Variants in DCLK1 observed in about 807,000 individuals in gnomAD.
DCLK1 encodes the protein serine/threonine-protein kinase DCLK1.
Under a neutral mutation model 86.2 loss-of-function variants are expected in DCLK1, and 16 were observed. The ratio of observed to expected loss-of-function variants is 0.19; its 90% CI spans 0.13 to 0.28. The LOEUF is 0.28. DCLK1 is among the 10% of genes least tolerant of loss of function. The pLI is 1.00. For synonymous variants in DCLK1, 369 were observed against 370.5 expected (o/e 1.00, Z 0.05); for missense variants, 590 against 940.2 (o/e 0.63, Z 4.87).
chr13:36,007,067 A>G (rs1013212106), intron 3 of DCLK1, among the ~76,000 whole-genome samples: 1 of 152,134 alleles, frequency 6.6e-6, no homozygotes, highest in African/African-American at 2.4e-5. Flanking sequence ...GTAAATGTGC[A>G]TGCGAGGAGA....
chr13:36,055,591 G>A (rs1378838079), intron 3 of DCLK1, among the ~76,000 whole-genome samples: 1 of 152,124 alleles, frequency 6.6e-6, no homozygotes, highest in Admixed American at 6.5e-5. Context: ...GAACACCACT[G>A]TACTGCTGTT....
At chr13:35,970,314 C>T (rs1879004270) in intron 3 of DCLK1, among the ~76,000 whole-genome samples, 1 of 152,192 alleles carries the variant, frequency 6.6e-6, no homozygotes, top group Non-Finnish European at 1.5e-5. Flanking sequence ...TTTAATGTAT[C>T]AGGCCTAATG....
intron 4 of DCLK1, 146 bp downstream of exon 4, chr13:35,947,212 G>T (rs1877432919): frequency 3.9e-6 from 2 of 513,916 alleles, no homozygotes; most frequent in South Asian, 7.0e-5. Flanking sequence ...AAAAATCAAA[G>T]AAATCCAAGA....
At chr13:36,033,188 C>T (rs1882354812) in intron 3 of DCLK1, among the ~76,000 whole-genome samples, 1 of 152,162 alleles carries the variant, frequency 6.6e-6, no homozygotes, top group South Asian at 2.1e-4. Context: ...CCAGAAGAAG[C>T]TTTTGTCAGT....
At chr13:35,789,349 T>C (rs541620691) in intron 16 of DCLK1, among the ~76,000 whole-genome samples, 6 of 152,220 alleles carry the variant, frequency 3.9e-5, no homozygotes, top group Non-Finnish European at 8.8e-5. Flanking sequence ...GATTATAAAC[T>C]AGGCTATCCA....
At chr13:35,838,569 A>T (rs543978280) in intron 7 of DCLK1, among the ~76,000 whole-genome samples, 1 of 152,338 alleles carries the variant, frequency 6.6e-6, no homozygotes, top group East Asian at 1.9e-4. Flanking sequence ...AATCCTGATC[A>T]TTTGACCACA....
chr13:35,821,202 C>A lies in DCLK1; in HGVS notation c.1554+1527G>T, dbSNP rs116420707. Among the ~76,000 whole-genome samples the A allele has an allele frequency of 4.0e-3, 615 of 152,228 alleles. 2 individuals carry two copies. The highest frequency in any genetic ancestry group is 0.014 in the African/African-American group (593 of 41,532). On this transcript the variant is annotated intron_variant, in intron 11 of 16. Transcript: ENST00000360631. ...AAATGAAACAGTAATAGAACTTACC[C>A]AATGTGGTTGCTGTGAGGATGAAAC...
intron 3 of DCLK1, among the ~76,000 whole-genome samples, chr13:36,107,335 A>ATTTTT (rs10670428): frequency 0.014 from 1,575 of 110,252 alleles, 52 homozygotes; most frequent in Non-Finnish European, 0.02. Context: ...GCAGTGGTAG[A>ATTTTT]TTTTTTTTTT....
At chr13:35,800,472 G>T (rs1216138932) in intron 15 of DCLK1, among the ~76,000 whole-genome samples, 4 of 152,166 alleles carry the variant, frequency 2.6e-5, no homozygotes, top group Non-Finnish European at 5.9e-5. Flanking sequence ...TGTTCATGTG[G>T]CTCATTGGAA....
intron 10 of DCLK1, among the ~76,000 whole-genome samples, chr13:35,826,316 G>C (rs1868425423): frequency 6.6e-6 from 1 of 150,876 alleles, no homozygotes; most frequent in Non-Finnish European, 1.5e-5. Flanking sequence ...CTGAGGTTGG[G>C]AGTTCGAGAC....
chr13:35,864,313 C>A (rs1462818065), intron 5 of DCLK1, among the ~76,000 whole-genome samples: 2 of 75,166 alleles, frequency 2.7e-5, no homozygotes, highest in South Asian at 7.4e-4. Context: ...CGCCTGTAAT[C>A]CCAGCACTTT....
intron 6 of DCLK1, among the ~76,000 whole-genome samples, chr13:35,845,209 C>T (rs980154936): frequency 6.6e-6 from 1 of 152,166 alleles, no homozygotes; most frequent in Non-Finnish European, 1.5e-5. Context: ...GATCGCACCA[C>T]TGCACTCCAG....
chr13:36,091,234 T>C (rs1387253075), intron 3 of DCLK1, among the ~76,000 whole-genome samples: 1 of 152,194 alleles, frequency 6.6e-6, no homozygotes, highest in East Asian at 1.9e-4. Context: ...CAATTGCTTT[T>C]GGTGTTTTAG....
intron 7 of DCLK1, among the ~76,000 whole-genome samples, chr13:35,838,650 C>T (rs1337578468): frequency 6.6e-6 from 1 of 152,150 alleles, no homozygotes; most frequent in African/African-American, 2.4e-5. Context: ...TTTTGTAAAA[C>T]CATATTTCAT....
chr13:35,908,201 C>A (rs1874792020), intron 4 of DCLK1, among the ~76,000 whole-genome samples: 1 of 135,618 alleles, frequency 7.4e-6, no homozygotes, highest in Non-Finnish European at 1.6e-5. Flanking sequence ...ATAGAAGGAA[C>A]TAAACTTTTA....
intron 4 of DCLK1, among the ~76,000 whole-genome samples, chr13:35,872,447 A>G (rs1593685298): frequency 1.3e-5 from 2 of 152,352 alleles, no homozygotes; most frequent in South Asian, 4.1e-4. Context: ...ATGGAATACC[A>G]TAATTTACTT....
At chr13:35,954,230 T>A (rs1424350764) in intron 3 of DCLK1, among the ~76,000 whole-genome samples, 1 of 151,944 alleles carries the variant, frequency 6.6e-6, no homozygotes, top group Non-Finnish European at 1.5e-5. Flanking sequence ...TAAAAAAAAA[T>A]CTAGTTACCT....
chr13:35,889,649 T>A (rs1873514715), intron 4 of DCLK1, among the ~76,000 whole-genome samples: 1 of 152,202 alleles, frequency 6.6e-6, no homozygotes, highest in Non-Finnish European at 1.5e-5. Flanking sequence ...TTTCCCCCCT[T>A]AAGATTTGGT....
At chr13:36,107,868 G>A (rs1050132199) in intron 3 of DCLK1, among the ~76,000 whole-genome samples, 1 of 152,182 alleles carries the variant, frequency 6.6e-6, no homozygotes, top group African/African-American at 2.4e-5. Context: ...AATGGCCTCT[G>A]GGAGTAACTG....
Sources: allele counts gnomAD v4.1 joint callset (sites outside exome capture counted in the v4.1 genomes callset), GRCh38; gene constraint gnomAD v4.1.1; transcripts MANE v1.5; gene names NCBI Gene and HGNC (gene_info 2026-07-23, HGNC 2026-07-21).